GDPD1: variants seen among roughly 807,000 people sequenced by gnomAD.
The protein encoded by GDPD1 is glycerophosphodiester phosphodiesterase domain containing 1.
Under a neutral mutation model 45.1 loss-of-function variants are expected in GDPD1, and 28 were observed. The observed-to-expected ratio is 0.62, with a 90% CI of 0.46 to 0.85. The LOEUF is 0.85. GDPD1 is among the 40% of genes least tolerant of loss of function. The probability of loss-of-function intolerance (pLI) is 0.00; values close to 1 mark genes in which losing one functional copy is unlikely to be tolerated. For missense variants in GDPD1, 256 were observed against 364.8 expected, an observed-to-expected ratio of 0.70 and a Z score of 2.43; for synonymous variants, 139 against 131.4, an observed-to-expected ratio of 1.06 and a Z score of -0.40.
Position 59,247,060 on chromosome 17 carries a change from G to T in GDPD1, c.321+1511G>T, listed in dbSNP as rs1187908256. Among the ~76,000 whole-genome samples, 3 of 152,018 alleles carry T rather than the reference G, an allele frequency of 2.0e-5. No homozygotes were observed. In the East Asian group the frequency reaches 5.8e-4, roughly 30 times the overall value. ...TGGGATTACAGGTGTGAGCCACCAC[G>T]CCCAGCCTTTTCCATGCTTTAAAGA... On this transcript the variant is annotated intron_variant, in intron 3 of 9. Coordinates refer to ENST00000284116, the MANE Select transcript of GDPD1 (RefSeq NM_182569.4).
chr17:59,227,231 C>T (rs1213247505), intron 1 of GDPD1, among the ~76,000 whole-genome samples: 1 of 151,534 alleles, frequency 6.6e-6, no homozygotes, highest in Admixed American at 6.6e-5. Flanking sequence ...CCAGCCTGGC[C>T]AACATGTTGA....
rs781384753 is a variant in GDPD1, at chr17:59,274,843, ATTT to A, written c.*1084_*1086del. On this transcript the variant is annotated 3_prime_UTR_variant, in exon 10 of 10. Coordinates refer to ENST00000284116, the MANE Select transcript of GDPD1 (RefSeq NM_182569.4). ...CTGGAATACAATCAATTAGTAAAAG[ATTT>A]TTTTTTTTTTTTTGACATGTAGTCT... Among the ~76,000 whole-genome samples, 2 of 137,358 alleles carry A rather than the reference ATTT, an allele frequency of 1.5e-5. No homozygotes were observed. The highest frequency in any genetic ancestry group is 2.7e-5 in the African/African-American group (1 of 36,706). The allele number at this position is 137,358 out of a possible 152,430, so 90.1% of individuals were successfully genotyped here. A position where few individuals can be genotyped will look rare whatever the true frequency, so the allele number is the denominator to read the frequency against.
intron 4 of GDPD1, among the ~76,000 whole-genome samples, chr17:59,255,760 AAAATATAT>A (rs1436224929): frequency 3.0e-5 from 2 of 67,570 alleles, no homozygotes; most frequent in Non-Finnish European, 5.0e-5. Flanking sequence ...AAAAAAAAAA[AAAATATAT>A]ATATATATAT....
At position 59,275,229 on chromosome 17, in the gene GDPD1, C is replaced by T. The variant is rs147660820; in HGVS notation, c.*1456C>T. The T allele has an allele frequency of 3.5e-5, 54 of 1,522,274 alleles. No homozygotes were observed. The African/African-American group carries it at 3.6e-4, about 10-fold the overall frequency. 94.3% of individuals were successfully genotyped at this position (1,522,274 alleles called of 1,614,324 possible). On this transcript the variant is annotated 3_prime_UTR_variant, in exon 10 of 10. Coordinates refer to ENST00000284116, the MANE Select transcript of GDPD1 (RefSeq NM_182569.4). ...CCTTAGTTAAAGAGGAAAAATAAAA[C>T]GGAAAAAAGCTTGGAAATCAGTGAT... is the stretch of plus-strand genomic sequence containing the variant.
intron 2 of GDPD1, among the ~76,000 whole-genome samples, chr17:59,243,700 A>C (rs146874163): frequency 6.6e-6 from 1 of 152,114 alleles, no homozygotes; most frequent in Admixed American, 6.6e-5. Flanking sequence ...ATACCCCAAC[A>C]ATGCTATTCC....
intron 1 of GDPD1, among the ~76,000 whole-genome samples, chr17:59,230,734 G>T (rs1034332287): frequency 7.2e-5 from 11 of 152,068 alleles, no homozygotes; most frequent in African/African-American, 2.4e-4. Context: ...AAGATTAAAG[G>T]TGATTAGCAT....
chr17:59,274,075 T>C lies in GDPD1; in HGVS notation c.*302T>C. Reference sequence around the variant, plus strand: ...TATACAGAAATCTTGATTAATAACATACACAGAAATGTACATACTACATCA... The same window carrying C: ...TATACAGAAATCTTGATTAATAACACACACAGAAATGTACATACTACATCA... On this transcript the variant is annotated 3_prime_UTR_variant, in exon 10 of 10. Transcript: ENST00000284116. 1 of 765,338 alleles carries C rather than the reference T, an allele frequency of 1.3e-6. No homozygotes were observed. The highest frequency in any genetic ancestry group is 1.6e-6 in the Non-Finnish European group (1 of 629,636). The allele number at this position is 765,338 out of a possible 1,614,324, so 47.4% of individuals were successfully genotyped here.
chr17:59,220,522 G>A lies in GDPD1; in HGVS notation c.-88G>A. On this transcript the variant is annotated 5_prime_UTR_variant, in exon 1 of 10. Transcript: ENST00000284116. ...CACCGGCTGGGGGCGAGCCGACCTC[G>A]AGCAGCCGCCGCCGCCGCCGTCGTT... 1 of 1,464,806 alleles carries A rather than the reference G, an allele frequency of 6.8e-7. No individual in the cohort carries two copies. Among genetic ancestry groups the A allele is most frequent in the Non-Finnish European group, 9.3e-7 (1 of 1,073,762 alleles). 90.7% of individuals were successfully genotyped at this position (1,464,806 alleles called of 1,614,324 possible). A position where few individuals can be genotyped will look rare whatever the true frequency, so the allele number is the denominator to read the frequency against.
intron 6 of GDPD1, among the ~76,000 whole-genome samples, chr17:59,259,787 G>A (rs975332863): frequency 6.8e-6 from 1 of 146,904 alleles, no homozygotes; most frequent in Non-Finnish European, 1.5e-5. Flanking sequence ...GTCAGGCTAA[G>A]TGGCTCACAC....
chr17:59,236,617 T>G (rs1022221907), intron 2 of GDPD1, among the ~76,000 whole-genome samples: 1 of 152,150 alleles, frequency 6.6e-6, no homozygotes, highest in Non-Finnish European at 1.5e-5. Flanking sequence ...TGCCTCAGCT[T>G]CCCGAATACC....
chr17:59,262,826 C>G (rs533863007), intron 6 of GDPD1, among the ~76,000 whole-genome samples: 33 of 152,062 alleles, frequency 2.2e-4, no homozygotes, highest in African/African-American at 8.0e-4. Context: ...TAGGGTTTCA[C>G]CATGTTGGTC....
intron 1 of GDPD1, among the ~76,000 whole-genome samples, chr17:59,231,276 G>GCTATGCTT (rs1258368700): frequency 6.6e-6 from 1 of 151,448 alleles, no homozygotes; most frequent in Non-Finnish European, 1.5e-5. Context: ...ATGTGACCAG[G>GCTATGCTT]CTATGCTTGG....
In GDPD1 at chr17:59,253,953, G is replaced by A. The variant is rs192578461; in HGVS notation, c.368-3169G>A. Among the ~76,000 whole-genome samples, 649 of 151,576 alleles carry A rather than the reference G, an allele frequency of 4.3e-3. 5 individuals are homozygous for A. The highest frequency in any genetic ancestry group is 0.015 in the African/African-American group (615 of 41,342). ...TGTTGGGTAGGTAAAAAACATGCTG[G>A]ATAATGCCTATAATCCCAGCATTCA... On this transcript the variant is annotated intron_variant, in intron 4 of 9. Coordinates refer to ENST00000284116, the MANE Select transcript of GDPD1 (RefSeq NM_182569.4).
At chr17:59,250,020 TA>T (rs563140819) in intron 4 of GDPD1, among the ~76,000 whole-genome samples, 240 of 142,064 alleles carry the variant, frequency 1.7e-3, no homozygotes, top group Admixed American at 1.7e-3. Context: ...CCCTGTCTCT[TA>T]AAAAAAAAAA....
In GDPD1 at chr17:59,257,854, A is replaced by C. The variant is rs575026953; in HGVS notation, c.576+14A>C. On this transcript the variant is annotated intron_variant, in intron 6 of 9. Coordinates refer to ENST00000284116, the MANE Select transcript of GDPD1 (RefSeq NM_182569.4). Reference sequence around the variant, plus strand: ...TGCTACAAAGAGGTAAGCTTCAAAAATGATACAGAATTATCTATCTTTGTT... The same window carrying C: ...TGCTACAAAGAGGTAAGCTTCAAAACTGATACAGAATTATCTATCTTTGTT... The C allele has an allele frequency of 2.2e-5, 31 of 1,437,102 alleles. No homozygotes were observed. Among genetic ancestry groups the C allele is most frequent in the Non-Finnish European group, 2.8e-5 (29 of 1,028,324 alleles). 89.0% of individuals were successfully genotyped at this position (1,437,102 alleles called of 1,614,324 possible).
intron 1 of GDPD1, among the ~76,000 whole-genome samples, chr17:59,224,706 C>T (rs561931400): frequency 6.6e-6 from 1 of 151,832 alleles, no homozygotes; most frequent in African/African-American, 2.4e-5. Flanking sequence ...CCTGTAGTCT[C>T]GGCTATTTGA....
rs1394601993 is a variant in GDPD1, at chr17:59,274,379, G to A, written c.*606G>A. ...AATACAAAAATTAACCATGCGTGGTGGTACACGTCTGTCATCCCAGCAGCT... is the reference window on the plus strand; with the variant it reads ...AATACAAAAATTAACCATGCGTGGTAGTACACGTCTGTCATCCCAGCAGCT... On this transcript the variant is annotated 3_prime_UTR_variant, in exon 10 of 10. Coordinates refer to ENST00000284116, the MANE Select transcript of GDPD1 (RefSeq NM_182569.4). 6.6e-6 allele frequency: 1 copy of A among 151,842 alleles called. No individual in the cohort carries two copies. The highest frequency in any genetic ancestry group is 1.5e-5 in the Non-Finnish European group (1 of 68,146). The allele number at this position is 151,842 out of a possible 1,614,324, so 9.4% of individuals were successfully genotyped here.
chr17:59,263,790 A>G lies in GDPD1; in HGVS notation c.577-3251A>G, dbSNP rs114106034. 3.1e-3 allele frequency among the ~76,000 whole-genome samples: 466 copies of G among 151,818 alleles called. 3 individuals carry two copies. The highest frequency in any genetic ancestry group is 0.011 in the African/African-American group (454 of 41,372). On this transcript the variant is annotated intron_variant, in intron 6 of 9. Coordinates refer to ENST00000284116, the MANE Select transcript of GDPD1 (RefSeq NM_182569.4). ...CCACCACGCCCAGCCTACTTTTGCA[A>G]TTCTTACAGTATGATTTATAAGAAT...
chr17:59,275,014 G>T lies in GDPD1; in HGVS notation c.*1241G>T, dbSNP rs920730857. 3.8e-4 allele frequency: 229 copies of T among 604,536 alleles called. 1 individual carries two copies. Among genetic ancestry groups the T allele is most frequent in the Admixed American group, 1.3e-4 (5 of 38,164 alleles). 37.4% of individuals were successfully genotyped at this position (604,536 alleles called of 1,614,324 possible). On this transcript the variant is annotated 3_prime_UTR_variant, in exon 10 of 10. Transcript: ENST00000284116. ...CTGCTACCATGCCCAGCTAATTTTT[G>T]TATTTTTAGTAGAGACAGGGTTTTG... is the stretch of plus-strand genomic sequence containing the variant.
Sources: allele counts gnomAD v4.1 joint callset (sites outside exome capture counted in the v4.1 genomes callset), GRCh38; gene constraint gnomAD v4.1.1; transcripts MANE v1.5; gene names NCBI Gene and HGNC (gene_info 2026-07-23, HGNC 2026-07-21).